Variants in ADCK1 observed in about 807,000 individuals in gnomAD.
ADCK1 encodes the protein aarF domain containing kinase 1.
ADCK1 carries 41 observed loss-of-function variants against 52.3 expected under a neutral mutation model. That is an observed-to-expected ratio of 0.78 (90% CI 0.61 to 1.02). ADCK1 has a LOEUF of 1.02. ADCK1 is among the 50% of genes least tolerant of loss of function. ADCK1 has a pLI of 0.00. For missense variants in ADCK1, 658 were observed against 679.5 expected (o/e 0.97, Z 0.35); for synonymous variants, 250 against 274.6 (o/e 0.91, Z 0.89).
At chr14:77,910,360 A>G (rs2083764529) in intron 7 of ADCK1, among the ~76,000 whole-genome samples, 5 of 152,078 alleles carry the variant, frequency 3.3e-5, no homozygotes, top group Admixed American at 3.3e-4. Context: ...AACACAAGTC[A>G]GGGCTTCTGA....
At chr14:77,889,345 G>A (rs1404001827) in intron 5 of ADCK1, among the ~76,000 whole-genome samples, 2 of 152,064 alleles carry the variant, frequency 1.3e-5, no homozygotes, top group Non-Finnish European at 2.9e-5. Flanking sequence ...AGGTGAATGT[G>A]GTCTCTTTCT....
At chr14:77,844,499 G>A (rs3783975) in intron 3 of ADCK1, among the ~76,000 whole-genome samples, 4,875 of 152,228 alleles carry the variant, frequency 0.032, 147 homozygotes, top group South Asian at 0.12. Context: ...TGTCAGTGGC[G>A]TTGGTCTTAG....
intron 3 of ADCK1, among the ~76,000 whole-genome samples, chr14:77,845,593 T>G (rs1022850672): frequency 1.3e-5 from 2 of 152,038 alleles, no homozygotes; most frequent in Non-Finnish European, 2.9e-5. Flanking sequence ...CCCGGCTCAT[T>G]TTTGTATTTT....
chr14:77,843,044 T>TATTTA (rs1247786069), intron 3 of ADCK1, among the ~76,000 whole-genome samples: 3 of 151,948 alleles, frequency 2.0e-5, no homozygotes, highest in Admixed American at 6.6e-5. Context: ...TGTGTGCCAC[T>TATTTA]ACTCCTAACT....
chr14:77,884,474 G>A (rs2083103806), intron 4 of ADCK1, among the ~76,000 whole-genome samples: 1 of 152,198 alleles, frequency 6.6e-6, no homozygotes, highest in African/African-American at 2.4e-5. Flanking sequence ...GTGGGGCCTG[G>A]GCACCAGGTC....
chr14:77,911,129 C>T (rs552208832), intron 7 of ADCK1, among the ~76,000 whole-genome samples: 3 of 152,310 alleles, frequency 2.0e-5, no homozygotes, highest in Admixed American at 1.3e-4. Flanking sequence ...CTACTCATTA[C>T]AGCTCTCCTA....
At chr14:77,901,577 A>T (rs1392881275) in intron 6 of ADCK1, among the ~76,000 whole-genome samples, 1 of 151,286 alleles carries the variant, frequency 6.6e-6, no homozygotes, top group Non-Finnish European at 1.5e-5. Context: ...TTTAGTAGAG[A>T]CACGGTTTTG....
At chr14:77,865,150 AAAACAAAC>A (rs56304530) in intron 4 of ADCK1, among the ~76,000 whole-genome samples, 1 of 148,850 alleles carries the variant, frequency 6.7e-6, no homozygotes, top group African/African-American at 2.5e-5. Flanking sequence ...TTGAATTAAA[AAAACAAAC>A]AAACAAACTG....
chr14:77,813,755 C>G (rs1159781031), intron 1 of ADCK1, among the ~76,000 whole-genome samples: 1 of 151,496 alleles, frequency 6.6e-6, no homozygotes, highest in Non-Finnish European at 1.5e-5. Context: ...CAAAGCCTCT[C>G]TTTGTTTTCC....
intron 4 of ADCK1, among the ~76,000 whole-genome samples, chr14:77,872,203 A>G (rs1251145109): frequency 6.6e-6 from 1 of 152,044 alleles, no homozygotes; most frequent in African/African-American, 2.4e-5. Flanking sequence ...CTTTCCCATC[A>G]CTTCCAGACA....
In ADCK1 at chr14:77,820,304, G is replaced by GATAT. The variant is rs10532993; in HGVS notation, c.135+1204_135+1207dup. Among the ~76,000 whole-genome samples the GATAT allele has an allele frequency of 5.3e-5, 8 of 149,606 alleles. No individual in the cohort carries two copies. The South Asian group carries it at 6.3e-4, about 12-fold the overall frequency. On this transcript the variant is annotated intron_variant, in intron 2 of 10. Coordinates refer to ENST00000238561, the MANE Select transcript of ADCK1 (RefSeq NM_020421.4). ...CTAGGGGTAGCAGGTTTTATTTTAT[G>GATAT]ATATATATATATATATGTATATTTT... is the stretch of plus-strand genomic sequence containing the variant.
intron 7 of ADCK1, among the ~76,000 whole-genome samples, chr14:77,913,186 G>T (rs1267778097): frequency 6.6e-6 from 1 of 152,228 alleles, no homozygotes; most frequent in Non-Finnish European, 1.5e-5. Flanking sequence ...GGAAAGGATT[G>T]TAGAAGTTTG....
Position 77,907,808 on chromosome 14 carries a change from C to T in ADCK1, c.747C>T (p.Pro249=). The change falls in exon 7 of 11, where the codon CCC becomes CCT. Residue 249 remains proline, a synonymous_variant. Coordinates refer to ENST00000238561, the MANE Select transcript of ADCK1 (RefSeq NM_020421.4). ...MLRHFDFLKV[P]RIHWDLSTER... The stretch of plus-strand genomic sequence containing the variant: ...CCTGTCCCTTCCTATCCCAGGTCCC[C>T]CGAATCCACTGGGACCTGTCCACGG... The T allele has an allele frequency of 6.2e-7, 1 of 1,613,266 alleles. No homozygotes were observed.
chr14:77,899,937 G>A (rs1028786891), intron 6 of ADCK1, among the ~76,000 whole-genome samples: 4 of 152,024 alleles, frequency 2.6e-5, no homozygotes, highest in African/African-American at 9.7e-5. Context: ...TGGCGTGGTG[G>A]CATGTGCCTG....
intron 7 of ADCK1, among the ~76,000 whole-genome samples, chr14:77,917,998 A>G (rs1267313044): frequency 6.6e-6 from 1 of 152,136 alleles, no homozygotes; most frequent in East Asian, 1.9e-4. Context: ...CAAGTGACCG[A>G]ACTTTCTATT....
chr14:77,894,522 C>T (rs866254147), intron 5 of ADCK1, among the ~76,000 whole-genome samples: 9 of 151,934 alleles, frequency 5.9e-5, no homozygotes, highest in East Asian at 1.9e-4. Flanking sequence ...GCATAAAGAA[C>T]GAACAAGAAA....
chr14:77,864,816 A>G (rs1362879952), intron 4 of ADCK1, among the ~76,000 whole-genome samples: 1 of 152,208 alleles, frequency 6.6e-6, no homozygotes, highest in Non-Finnish European at 1.5e-5. Flanking sequence ...GAGACCCAGG[A>G]AGAACCGATG....
intron 4 of ADCK1, among the ~76,000 whole-genome samples, chr14:77,866,221 G>C (rs866796175): frequency 1.3e-4 from 20 of 152,126 alleles, no homozygotes; most frequent in African/African-American, 4.3e-4. Context: ...GTAACACAAT[G>C]GTGCGTATTT....
intron 1 of ADCK1, among the ~76,000 whole-genome samples, chr14:77,810,167 G>A (rs550848469): frequency 1.3e-5 from 2 of 151,492 alleles, no homozygotes; most frequent in Admixed American, 6.6e-5. Flanking sequence ...GGGTAAGTGC[G>A]ATGGCACTCA....
Sources: allele counts gnomAD v4.1 joint callset (sites outside exome capture counted in the v4.1 genomes callset), GRCh38; gene constraint gnomAD v4.1.1; transcripts MANE v1.5; gene names NCBI Gene and HGNC (gene_info 2026-07-23, HGNC 2026-07-21).